Variants in PDE7A observed in about 807,000 individuals in gnomAD.
PDE7A encodes the protein high affinity 3',5'-cyclic-AMP phosphodiesterase 7A.
A neutral mutation model predicts 64.3 loss-of-function variants in PDE7A; 39 were observed. That is an observed-to-expected ratio of 0.61 (90% CI 0.47 to 0.79). The LOEUF is 0.79. Among genes scored for constraint, PDE7A ranks in the 30% least tolerant of loss-of-function variants. PDE7A has a pLI of 0.00. For synonymous variants in PDE7A, 203 were observed against 206.8 expected, an observed-to-expected ratio of 0.98 and a Z score of 0.16; for missense variants, 470 against 582.8, an observed-to-expected ratio of 0.81 and a Z score of 1.99.
chr8:65,835,131 T>C (rs768202921), intron 1 of PDE7A, among the ~76,000 whole-genome samples: 1 of 152,242 alleles, frequency 6.6e-6, no homozygotes, highest in Non-Finnish European at 1.5e-5. Context: ...TGTCTCTCAA[T>C]TCAAATTAAC....
In PDE7A at chr8:65,825,488, T is replaced by C. The variant is rs117490672; in HGVS notation, c.138+15883A>G. Among the ~76,000 whole-genome samples the C allele has an allele frequency of 2.5e-4, 38 of 152,310 alleles. No individual in the cohort carries two copies. In the East Asian group the frequency reaches 6.5e-3, roughly 26 times the overall value. On this transcript the variant is annotated intron_variant, in intron 1 of 12. Transcript: ENST00000401827. The stretch of plus-strand genomic sequence containing the variant: ...GTTTAAATCCTAGAAATACCACTTA[T>C]AGCTGTGTTACTTTGGGCACCTTAC...
chr8:65,817,181 AAATT>A (rs1358415384), intron 1 of PDE7A, among the ~76,000 whole-genome samples: 4 of 152,214 alleles, frequency 2.6e-5, no homozygotes, highest in African/African-American at 9.7e-5. Flanking sequence ...ACTTTGCAAT[AAATT>A]ATTTACAGAA....
At chr8:65,818,823 G>C (rs1810474104) in intron 1 of PDE7A, among the ~76,000 whole-genome samples, 1 of 152,092 alleles carries the variant, frequency 6.6e-6, no homozygotes, top group South Asian at 2.1e-4. Flanking sequence ...TGAGCCCCTG[G>C]TCTTCCCTTG....
At chr8:65,769,369 A>G (rs560382183) in intron 3 of PDE7A, among the ~76,000 whole-genome samples, 1 of 152,210 alleles carries the variant, frequency 6.6e-6, no homozygotes, top group South Asian at 2.1e-4. Flanking sequence ...TACAGAATTT[A>G]TTGATTAAAT....
chr8:65,773,976 T>A (rs1296122003), intron 3 of PDE7A, among the ~76,000 whole-genome samples: 1 of 152,214 alleles, frequency 6.6e-6, no homozygotes, highest in East Asian at 1.9e-4. Flanking sequence ...TTTTACTGAT[T>A]TCCTTACCCA....
chr8:65,731,422 T>C (rs1210098306), intron 7 of PDE7A: 1 of 152,206 alleles, frequency 6.6e-6, no homozygotes, highest in Non-Finnish European at 1.5e-5. Flanking sequence ...TAAGCGTAAT[T>C]CTTATCCAGA....
In PDE7A at chr8:65,715,204, T is replaced by C. The variant is rs183296053; in HGVS notation, c.*4086A>G. Among the ~76,000 whole-genome samples, 136 of 152,180 alleles carry C rather than the reference T, an allele frequency of 8.9e-4. 1 individual carries two copies. The highest frequency in any genetic ancestry group is 2.9e-3 in the Admixed American group (45 of 15,278). ...AATATTTAACTGTTTCCTAAAATTT[T>C]TTAGAAAAAAATATTCCAGTAATAT... On this transcript the variant is annotated 3_prime_UTR_variant, in exon 13 of 13. Transcript: ENST00000401827.
At chr8:65,728,747 G>A (rs1315559826) in intron 7 of PDE7A, 3 of 152,068 alleles carry the variant, frequency 2.0e-5, no homozygotes, top group Non-Finnish European at 2.9e-5. Context: ...ATGCAAAGGG[G>A]TTACATTCTT....
chr8:65,738,936 T>C (rs1041504056), intron 6 of PDE7A, among the ~76,000 whole-genome samples: 1 of 152,234 alleles, frequency 6.6e-6, no homozygotes, highest in Non-Finnish European at 1.5e-5. Context: ...TTCCTGTATC[T>C]GTGGCTCTGT....
chr8:65,779,943 G>A (rs1809365752), intron 2 of PDE7A, 140 bp from the exon 3 acceptor site: 1 of 439,556 alleles, frequency 2.3e-6, no homozygotes, highest in Admixed American at 4.0e-5. Context: ...GTAGTTAAGA[G>A]CTGATTTATT....
intron 1 of PDE7A, among the ~76,000 whole-genome samples, chr8:65,798,191 T>C (rs1809891948): frequency 4.6e-5 from 1 of 21,632 alleles, no homozygotes; most frequent in Non-Finnish European, 7.9e-5. Context: ...TATATATATA[T>C]ATATATATAT....
chr8:65,727,366 T>C, intron 7 of PDE7A, 65 bp from the exon 8 acceptor site: 1 of 1,588,464 alleles, frequency 6.3e-7, no homozygotes. Context: ...GCCATCACAG[T>C]AGTTTTGAAT....
At chr8:65,729,178 CAT>C (rs1316656398) in intron 7 of PDE7A, among the ~76,000 whole-genome samples, 2 of 152,084 alleles carry the variant, frequency 1.3e-5, no homozygotes, top group Non-Finnish European at 2.9e-5. Flanking sequence ...GATTATTTAA[CAT>C]ATGTGAAGGT....
At chr8:65,826,631 G>A (rs1810681461) in intron 1 of PDE7A, among the ~76,000 whole-genome samples, 1 of 152,200 alleles carries the variant, frequency 6.6e-6, no homozygotes, top group African/African-American at 2.4e-5. Context: ...CTAGCAGAGT[G>A]CCTGGCATGT....
chr8:65,757,463 A>C (rs1335890240), intron 3 of PDE7A, among the ~76,000 whole-genome samples: 2 of 152,164 alleles, frequency 1.3e-5, no homozygotes, highest in African/African-American at 4.8e-5. Flanking sequence ...GGGTGAGGCT[A>C]CTCAGGTTTG....
intron 3 of PDE7A, among the ~76,000 whole-genome samples, chr8:65,777,108 G>A (rs1473724025): frequency 8.5e-6 from 1 of 118,304 alleles, no homozygotes; most frequent in Non-Finnish European, 1.7e-5. Context: ...TTGAGACAGA[G>A]TTTTGTTCTT....
At chr8:65,782,882 AAT>A (rs1460979808) in intron 1 of PDE7A, 39 bp from the exon 2 acceptor site, 3 of 1,145,536 alleles carry the variant, frequency 2.6e-6, no homozygotes, top group Non-Finnish European at 3.9e-6. Context: ...ATGACAATTA[AAT>A]ATGATACAAA....
chr8:65,798,199 TATATA>T (rs1211655731), intron 1 of PDE7A, among the ~76,000 whole-genome samples: 21 of 22,512 alleles, frequency 9.3e-4, no homozygotes, highest in Admixed American at 1.5e-3. Context: ...TATATATATA[TATATA>T]TATTTTTTTT....
chr8:65,798,304 G>A (rs1398744197), intron 1 of PDE7A, among the ~76,000 whole-genome samples: 1 of 150,360 alleles, frequency 6.7e-6, no homozygotes, highest in Non-Finnish European at 1.5e-5. Context: ...CTACCTCTCG[G>A]GTTCAAGCAA....
Sources: allele counts gnomAD v4.1 joint callset (sites outside exome capture counted in the v4.1 genomes callset), GRCh38; gene constraint gnomAD v4.1.1; transcripts MANE v1.5; gene names NCBI Gene and HGNC (gene_info 2026-07-23, HGNC 2026-07-21).